The following HOMER1 variants were observed in gnomAD, a reference collection of about 807,000 sequenced individuals.
HOMER1 encodes homer scaffold protein 1.
A neutral mutation model predicts 48.9 loss-of-function variants in HOMER1; 3 were observed. That is an observed-to-expected ratio of 0.06 (90% confidence interval 0.03 to 0.16). HOMER1 has a LOEUF of 0.16. Among genes scored for constraint, HOMER1 ranks in the 10% least tolerant of loss-of-function variants. HOMER1 has a pLI of 1.00. For missense variants in HOMER1, 247 were observed against 411.4 expected (o/e 0.60, Z 3.46); for synonymous variants, 134 against 146.4 (o/e 0.92, Z 0.61).
At chr5:79,418,111 T>C (rs1749994153) in intron 5 of HOMER1, among the ~76,000 whole-genome samples, 1 of 152,244 alleles carries the variant, frequency 6.6e-6, no homozygotes, top group South Asian at 2.1e-4. Context: ...GTTAATAGCA[T>C]GTTACTTGTG....
intron 1 of HOMER1, among the ~76,000 whole-genome samples, chr5:79,497,031 G>C (rs1326235397): frequency 7.6e-6 from 1 of 131,052 alleles, no homozygotes; most frequent in Non-Finnish European, 1.5e-5. Context: ...CTGCACTCTA[G>C]CCTGGGTAAC....
chr5:79,472,517 T>C (rs569106674), intron 1 of HOMER1, among the ~76,000 whole-genome samples: 1 of 152,164 alleles, frequency 6.6e-6, no homozygotes, highest in Admixed American at 6.6e-5. Context: ...TGGCTCATGC[T>C]TGTATTCCCA....
intron 5 of HOMER1, among the ~76,000 whole-genome samples, chr5:79,433,280 C>A (rs1750472953): frequency 6.6e-6 from 1 of 152,108 alleles, no homozygotes; most frequent in Non-Finnish European, 1.5e-5. Flanking sequence ...TATTTAAGAT[C>A]AGGGCTGGGC....
In HOMER1 at chr5:79,505,823, C is replaced by CT. The variant is rs747927253; in HGVS notation, c.5+6946dup. On this transcript the variant is annotated intron_variant, in intron 1 of 8. Transcript: ENST00000334082. The stretch of plus-strand genomic sequence containing the variant: ...CAGAAAACAATGACTTTTTGCCTTC[C>CT]TTTAGTAGTCTACCTTAATAGAAAA... Among the ~76,000 whole-genome samples, 23 of 151,980 alleles carry CT rather than the reference C, an allele frequency of 1.5e-4. 1 individual carries two copies. Among genetic ancestry groups the CT allele is most frequent in the Admixed American group, 7.2e-4 (11 of 15,252 alleles).
intron 2 of HOMER1, among the ~76,000 whole-genome samples, chr5:79,452,696 A>C (rs990444417): frequency 9.9e-5 from 15 of 152,130 alleles, no homozygotes; most frequent in African/African-American, 3.4e-4. Context: ...TAAAAAAAAA[A>C]CCAGTAAAAC....
In HOMER1 at chr5:79,456,913, G is replaced by A; in HGVS notation, c.111C>T (p.Phe37=). The change falls in exon 2 of 9, where the codon TTC becomes TTT. Residue 37 remains phenylalanine (F), a synonymous_variant. Transcript: ENST00000334082. ...TSKHAVTVSY[F]YDSTRNVYRI... Reference sequence around the variant, plus strand: ...TATACACATTTCTTGTGCTGTCATAGAAATAAGACACAGTAACTGCATGCT... The same window carrying A: ...TATACACATTTCTTGTGCTGTCATAAAAATAAGACACAGTAACTGCATGCT... The A allele has an allele frequency of 6.2e-7, 1 of 1,613,878 alleles. No individual in the cohort carries two copies. The highest frequency in any genetic ancestry group is 8.5e-7 in the Non-Finnish European group (1 of 1,179,790).
intron 5 of HOMER1, among the ~76,000 whole-genome samples, chr5:79,408,479 A>G (rs1008049857): frequency 2.6e-5 from 4 of 152,212 alleles, no homozygotes; most frequent in Admixed American, 2.6e-4. Flanking sequence ...AAATGAAGAT[A>G]ATTATAAAAG....
At chr5:79,383,707 T>G (rs1457339159) in intron 8 of HOMER1, among the ~76,000 whole-genome samples, 1 of 152,076 alleles carries the variant, frequency 6.6e-6, no homozygotes, top group Non-Finnish European at 1.5e-5. Flanking sequence ...ATACAACAAT[T>G]CTTCTCATTA....
At position 79,497,682 on chromosome 5, in the gene HOMER1, A is replaced by G. The variant is rs77643238; in HGVS notation, c.5+15088T>C. Reference sequence around the variant, plus strand: ...TCAAAGAAAAAAAAAAAAAAAAAAAAGGCAGCTTAATCAAGTTTTCCTCCC... The same window carrying G: ...TCAAAGAAAAAAAAAAAAAAAAAAAGGGCAGCTTAATCAAGTTTTCCTCCC... On this transcript the variant is annotated intron_variant, in intron 1 of 8. Coordinates refer to ENST00000334082, the MANE Select transcript of HOMER1 (RefSeq NM_004272.5). Among the ~76,000 whole-genome samples the G allele has an allele frequency of 5.0e-3, 749 of 150,080 alleles. 5 individuals are homozygous for G. The highest frequency in any genetic ancestry group is 7.6e-3 in the Non-Finnish European group (515 of 67,490).
intron 1 of HOMER1, among the ~76,000 whole-genome samples, chr5:79,471,586 TGGCCTAAA>T (rs1751623426): frequency 7.1e-6 from 1 of 140,754 alleles, no homozygotes; most frequent in Non-Finnish European, 1.5e-5. Context: ...AAGAAAAAAA[TGGCCTAAA>T]GGCCTTGTGC....
At chr5:79,475,667 T>C (rs1008637663) in intron 1 of HOMER1, among the ~76,000 whole-genome samples, 5 of 152,150 alleles carry the variant, frequency 3.3e-5, no homozygotes, top group African/African-American at 1.2e-4. Flanking sequence ...TATTATTATT[T>C]TGTAATCTGT....
At chr5:79,464,795 C>T (rs889507150) in intron 1 of HOMER1, among the ~76,000 whole-genome samples, 1 of 152,124 alleles carries the variant, frequency 6.6e-6, no homozygotes, top group African/African-American at 2.4e-5. Flanking sequence ...GTGTAATAAG[C>T]TGATTGCTTA....
intron 1 of HOMER1, among the ~76,000 whole-genome samples, chr5:79,509,188 T>C (rs1249647528): frequency 1.3e-5 from 2 of 152,118 alleles, no homozygotes; most frequent in African/African-American, 2.4e-5. Flanking sequence ...CTGGAAGTTA[T>C]TTGGGGAAAG....
chr5:79,490,659 T>C (rs555177769), intron 1 of HOMER1, among the ~76,000 whole-genome samples: 29 of 151,718 alleles, frequency 1.9e-4, no homozygotes, highest in East Asian at 1.9e-4. Context: ...TTGTTGAGCA[T>C]AGTGGCTCAT....
At chr5:79,404,879 T>TTTA (rs1280499816) in intron 5 of HOMER1, among the ~76,000 whole-genome samples, 1 of 149,900 alleles carries the variant, frequency 6.7e-6, no homozygotes, top group African/African-American at 2.5e-5. Flanking sequence ...TTTTTTTTTT[T>TTTA]AATATTTTTA....
At chr5:79,446,112 A>C (rs1232491634) in intron 4 of HOMER1, among the ~76,000 whole-genome samples, 1 of 152,180 alleles carries the variant, frequency 6.6e-6, no homozygotes, top group East Asian at 1.9e-4. Context: ...CCCAGTCCAG[A>C]GCATGCCTCT....
intron 6 of HOMER1, among the ~76,000 whole-genome samples, chr5:79,400,266 CTTAAG>C (rs1015675959): frequency 1.5e-4 from 23 of 152,156 alleles, no homozygotes; most frequent in Admixed American, 4.6e-4. Flanking sequence ...CCCCACCTCT[CTTAAG>C]TTAATTTTTA....
chr5:79,496,233 T>C (rs999412829), intron 1 of HOMER1, among the ~76,000 whole-genome samples: 4 of 151,980 alleles, frequency 2.6e-5, no homozygotes, highest in South Asian at 2.1e-4. Context: ...GACTGAAAGT[T>C]TAAATAACAG....
chr5:79,425,016 A>T (rs991556458), intron 5 of HOMER1, among the ~76,000 whole-genome samples: 19 of 152,170 alleles, frequency 1.2e-4, no homozygotes, highest in African/African-American at 4.3e-4. Context: ...TGTCTTCTTT[A>T]AAGATACTAC....
Sources: allele counts gnomAD v4.1 joint callset (sites outside exome capture counted in the v4.1 genomes callset), GRCh38; gene constraint gnomAD v4.1.1; transcripts MANE v1.5; gene names NCBI Gene and HGNC (gene_info 2026-07-23, HGNC 2026-07-21).